The following CFAP20DC variants were observed in gnomAD, a reference collection of about 807,000 sequenced individuals.
CFAP20DC encodes the protein protein CFAP20DC.
CFAP20DC carries 84 observed loss-of-function variants against 101.7 expected under a neutral mutation model. That is an observed-to-expected ratio of 0.83 (90% CI 0.69 to 0.99). CFAP20DC has a LOEUF of 0.99. Ranked by LOEUF, CFAP20DC falls within the 50% of genes least tolerant of loss-of-function variation. CFAP20DC has a pLI of 0.00. For synonymous variants in CFAP20DC, 359 were observed against 351.2 expected (o/e 1.02, Z -0.25); for missense variants, 1,007 against 970.3 (o/e 1.04, Z -0.50).
At chr3:58,760,950 A>C (rs1406535869) in intron 15 of CFAP20DC, among the ~76,000 whole-genome samples, 2 of 152,148 alleles carry the variant, frequency 1.3e-5, no homozygotes, top group Non-Finnish European at 2.9e-5. Flanking sequence ...TATTTTATTG[A>C]GGATTTTTGC....
chr3:58,739,037 T>C (rs9879449), downstream of CFAP20DC, among the ~76,000 whole-genome samples: 442 of 152,328 alleles, frequency 2.9e-3, 2 homozygotes, highest in African/African-American at 0.01. Context: ...CAAGATGTTA[T>C]TGAAATGACT....
rs114507002 is a variant in CFAP20DC at position 58,944,824 on chromosome 3, C to T, written c.279-7062G>A. On this transcript the variant is annotated intron_variant, in intron 4 of 16. Coordinates refer to ENST00000482387, the MANE Select transcript of CFAP20DC (RefSeq NM_001394063.1). ...CTCCATCCATGATCCTGTGTAAGGC[C>T]TTCCAGAAGGATGATCTCCAAGCTA... 8.2e-3 allele frequency among the ~76,000 whole-genome samples: 1,247 copies of T among 152,076 alleles called. 22 individuals are homozygous for T. Among genetic ancestry groups the T allele is most frequent in the African/African-American group, 0.028 (1,172 of 41,446 alleles).
At chr3:59,023,636 TG>T (rs2093842877) in intron 4 of CFAP20DC, among the ~76,000 whole-genome samples, 1 of 152,054 alleles carries the variant, frequency 6.6e-6, no homozygotes. Context: ...CCACCAACTT[TG>T]TGGGGCAACT....
chr3:59,004,107 AG>A (rs1345361405), intron 4 of CFAP20DC, among the ~76,000 whole-genome samples: 1 of 152,176 alleles, frequency 6.6e-6, no homozygotes, highest in Non-Finnish European at 1.5e-5. Flanking sequence ...TTTTAGGACA[AG>A]GGGGTCAAGC....
chr3:58,972,122 A>C (rs1051581695), intron 4 of CFAP20DC, among the ~76,000 whole-genome samples: 2 of 152,180 alleles, frequency 1.3e-5, no homozygotes, highest in African/African-American at 2.4e-5. Context: ...ATATAAAAAA[A>C]GTTCCTTTAT....
chr3:58,851,339 G>A (rs1207644144), intron 12 of CFAP20DC, among the ~76,000 whole-genome samples: 1 of 152,154 alleles, frequency 6.6e-6, no homozygotes, highest in African/African-American at 2.4e-5. Flanking sequence ...TTGTTGAGGT[G>A]CCTGAATTAA....
intron 5 of CFAP20DC, among the ~76,000 whole-genome samples, chr3:58,926,354 C>A (rs533331225): frequency 6.7e-6 from 1 of 149,154 alleles, no homozygotes; most frequent in Non-Finnish European, 1.5e-5. Context: ...CGACAGAGTG[C>A]GTGAGACTCC....
chr3:58,958,391 A>G (rs1299240362), intron 4 of CFAP20DC, among the ~76,000 whole-genome samples: 1 of 152,214 alleles, frequency 6.6e-6, no homozygotes, highest in African/African-American at 2.4e-5. Context: ...ATTCTACTAT[A>G]TGGATGTATC....
intron 5 of CFAP20DC, among the ~76,000 whole-genome samples, chr3:58,932,085 G>C (rs2086787549): frequency 1.3e-5 from 2 of 152,354 alleles, no homozygotes; most frequent in South Asian, 4.1e-4. Context: ...TAAAGGAGCT[G>C]ATGGAGGTGA....
chr3:58,887,687 A>G (rs1411150354), intron 6 of CFAP20DC, among the ~76,000 whole-genome samples: 5 of 152,202 alleles, frequency 3.3e-5, no homozygotes. Flanking sequence ...TTTCACATTA[A>G]AAGGCTCAAA....
intron 6 of CFAP20DC, among the ~76,000 whole-genome samples, chr3:58,904,361 T>C (rs2083412982): frequency 6.6e-6 from 1 of 152,104 alleles, no homozygotes; most frequent in African/African-American, 2.4e-5. Flanking sequence ...AGTCTTGATA[T>C]ACAGATATTC....
chr3:58,956,268 T>A (rs1230658742), intron 4 of CFAP20DC, among the ~76,000 whole-genome samples: 1 of 151,812 alleles, frequency 6.6e-6, no homozygotes, highest in African/African-American at 2.4e-5. Context: ...GGAAGGCATT[T>A]CTGAATCTTC....
At chr3:58,945,732 C>T (rs998654802) in intron 4 of CFAP20DC, among the ~76,000 whole-genome samples, 10 of 145,058 alleles carry the variant, frequency 6.9e-5, no homozygotes, top group Non-Finnish European at 1.3e-4. Flanking sequence ...GAGTCTCGTT[C>T]TGTCACTGGG....
At chr3:58,963,784 G>A (rs1316007033) in intron 4 of CFAP20DC, among the ~76,000 whole-genome samples, 1 of 152,072 alleles carries the variant, frequency 6.6e-6, no homozygotes, top group Non-Finnish European at 1.5e-5. Flanking sequence ...CTAAGCCCCA[G>A]AACTGATTGA....
rs377668004 is a variant in CFAP20DC, at chr3:58,936,568, T to A, written c.393+1080A>T. ...GACTGGATTAAAAAAATGTGGCACA[T>A]ATACACCATGGAATACTATGCAGCC... On this transcript the variant is annotated intron_variant, in intron 5 of 16. Transcript: ENST00000482387. Among the ~76,000 whole-genome samples the A allele has an allele frequency of 5.9e-5, 9 of 152,280 alleles. No individual in the cohort carries two copies. The South Asian group carries it at 1.0e-3, about 18-fold the overall frequency.
chr3:58,809,750 T>C (rs938001985), intron 14 of CFAP20DC, among the ~76,000 whole-genome samples: 1 of 151,966 alleles, frequency 6.6e-6, no homozygotes, highest in Admixed American at 6.6e-5. Flanking sequence ...TTTCAAAAAT[T>C]AATGAATCCA....
intron 5 of CFAP20DC, among the ~76,000 whole-genome samples, chr3:58,934,211 G>A (rs2107717274): frequency 6.6e-6 from 1 of 152,258 alleles, no homozygotes. Context: ...ACCCTCCCAA[G>A]ACTAAACCAG....
chr3:58,881,717 C>A (rs916414096), intron 7 of CFAP20DC, among the ~76,000 whole-genome samples: 1 of 152,156 alleles, frequency 6.6e-6, no homozygotes, highest in Admixed American at 6.5e-5. Flanking sequence ...TCACAATTTA[C>A]ATGAGTAGCC....
Position 58,799,733 on chromosome 3 carries a change from CTGTGTGTGTGTGTGTGTGTG to C in CFAP20DC, c.2237+6642_2237+6661del, listed in dbSNP as rs112827949. Among the ~76,000 whole-genome samples, 2 of 142,860 alleles carry C rather than the reference CTGTGTGTGTGTGTGTGTGTG, an allele frequency of 1.4e-5. No individual in the cohort carries two copies. The highest frequency in any genetic ancestry group is 3.1e-5 in the Non-Finnish European group (2 of 63,998). 93.7% of individuals were successfully genotyped at this position (142,860 alleles called of 152,430 possible). On this transcript the variant is annotated intron_variant, in intron 15 of 16. Coordinates refer to ENST00000482387, the MANE Select transcript of CFAP20DC (RefSeq NM_001394063.1). This position sits in a 1 kb window ranked among gnomAD's most constrained non-coding sequence, Gnocchi z 4.9. ...AGTGTGTGTGTGTCTGTGTGTGTGT[CTGTGTGTGTGTGTGTGTGTG>C]TGTGTGTGTGTGTGTAGAAAACAGA...
Sources: gnomAD v4.1 joint callset for allele counts (sites outside exome capture counted in the v4.1 genomes callset) on GRCh38, gnomAD v4.1.1 for gene constraint, Gnocchi (gnomAD v3.1) non-coding constraint, MANE v1.5 for transcripts, NCBI Gene and HGNC (gene_info 2026-07-23, HGNC 2026-07-21) for gene names.